Variants in KDM3A observed in about 807,000 individuals in gnomAD.
KDM3A encodes the protein lysine demethylase 3A, also known as lysine-specific demethylase 3A.
Under a neutral mutation model 158.0 loss-of-function variants are expected in KDM3A, and 60 were observed. The observed-to-expected ratio is 0.38, with a 90% CI of 0.31 to 0.47. The LOEUF is 0.47. KDM3A is among the 20% of genes least tolerant of loss of function. KDM3A has a pLI of 0.99. For missense variants in KDM3A, 1,319 were observed against 1,574.3 expected, an observed-to-expected ratio of 0.84 and a Z score of 2.74; for synonymous variants, 608 against 549.3, an observed-to-expected ratio of 1.11 and a Z score of -1.49.
chr2:86,455,780 G>A (rs1205015272), intron 5 of KDM3A, among the ~76,000 whole-genome samples: 3 of 151,088 alleles, frequency 2.0e-5, no homozygotes, highest in Non-Finnish European at 4.4e-5. Flanking sequence ...GGGAGACGTC[G>A]ATCTCTACAA....
intron 3 of KDM3A, 112 bp from the exon 4 acceptor site, chr2:86,450,990 TA>T: frequency 3.9e-5 from 24 of 610,556 alleles, no homozygotes; most frequent in Non-Finnish European, 4.6e-5. Flanking sequence ...TTGCAGTAAA[TA>T]AAAAAAATTA....
At chr2:86,448,063 T>C (rs966330505) in intron 2 of KDM3A, among the ~76,000 whole-genome samples, 2 of 152,216 alleles carry the variant, frequency 1.3e-5, no homozygotes, top group East Asian at 3.9e-4. Context: ...AGAAAACATA[T>C]AACCAGGGAG....
At chr2:86,455,518 A>G (rs1057182477) in intron 5 of KDM3A, among the ~76,000 whole-genome samples, 1 of 152,050 alleles carries the variant, frequency 6.6e-6, no homozygotes, top group Non-Finnish European at 1.5e-5. Context: ...GCCAAGTGTG[A>G]GCCATCACGC....
chr2:86,480,419 G>A, intron 16 of KDM3A, 57 bp downstream of exon 16: 2 of 1,444,150 alleles, frequency 1.4e-6, no homozygotes, highest in Non-Finnish European at 9.5e-7. Flanking sequence ...TTCGTGGAAG[G>A]ACTTGAGAGA....
intron 8 of KDM3A, among the ~76,000 whole-genome samples, chr2:86,461,959 T>C (rs1375785734): frequency 2.0e-5 from 3 of 152,274 alleles, no homozygotes; most frequent in South Asian, 2.1e-4. Flanking sequence ...TTGTAGGCAG[T>C]GGACTGCCGT....
upstream of KDM3A, among the ~76,000 whole-genome samples, chr2:86,437,677 C>T (rs1406208017): frequency 2.0e-5 from 3 of 152,118 alleles, no homozygotes; most frequent in Non-Finnish European, 4.4e-5. Flanking sequence ...TTTTCATCTT[C>T]TTTATACATG....
At chr2:86,468,735 A>G (rs1001671256) in intron 10 of KDM3A, among the ~76,000 whole-genome samples, 2 of 152,154 alleles carry the variant, frequency 1.3e-5, no homozygotes, top group African/African-American at 4.8e-5. Context: ...TCTAGAAAAC[A>G]AAAGCAAACT....
chr2:86,449,700 A>G (rs1292241561), intron 2 of KDM3A, 107 bp from the exon 3 acceptor site: 4 of 1,225,694 alleles, frequency 3.3e-6, no homozygotes, highest in South Asian at 3.2e-5. Context: ...ACATCCAGAT[A>G]AAGGATTCAA....
chr2:86,471,283 ATATATGTATATATGTG>A, intron 11 of KDM3A, among the ~76,000 whole-genome samples: 1 of 136,134 alleles, frequency 7.3e-6, no homozygotes, highest in African/African-American at 3.2e-5. Flanking sequence ...ATATGTGTGT[ATATATGTATATATGTG>A]TGTATGTGTA....
At chr2:86,455,262 C>A in intron 5 of KDM3A, 75 bp downstream of exon 5, 2 of 795,634 alleles carry the variant, frequency 2.5e-6, no homozygotes, top group South Asian at 1.7e-5. Flanking sequence ...GGTTTAGCCT[C>A]TCATTCATTT....
At chr2:86,464,638 A>G (rs2104660556) in intron 9 of KDM3A, among the ~76,000 whole-genome samples, 1 of 152,360 alleles carries the variant, frequency 6.6e-6, no homozygotes, top group South Asian at 2.1e-4. Context: ...GGCAGTAGAG[A>G]GGACTCTAAG....
At chr2:86,465,958 GAAGA>G (rs1440858045) in intron 9 of KDM3A, among the ~76,000 whole-genome samples, 2 of 119,414 alleles carry the variant, frequency 1.7e-5, no homozygotes, top group East Asian at 2.6e-4. Flanking sequence ...AAAAAAAAAA[GAAGA>G]AAGAAAACTT....
Position 86,466,755 on chromosome 2 carries a change from C to T in KDM3A, c.1391C>T (p.Pro464Leu). The T allele has an allele frequency of 1.2e-6, 2 of 1,613,798 alleles. No individual in the cohort carries two copies. The highest frequency in any genetic ancestry group is 1.7e-6 in the Non-Finnish European group (2 of 1,179,830). ...EVKAGVNSDS[P>L]NNCSGKKVEP... ...AAAGCAGGTGTCAATAGTGATAGCC[C>T]TAATAACTGTTCAGGAAAAAAGGTA... is the stretch of plus-strand genomic sequence containing the variant. The change falls in exon 10 of 26, where the codon CCT becomes CTT. Residue 464 changes from proline to leucine, a missense_variant. Around this residue, in one of 4 missense-constraint regions of KDM3A, gnomAD observed 652 missense variants for 627.2 expected, o/e 1.04. Transcript: ENST00000312912.
At chr2:86,445,337 G>A (rs1682911216) in intron 2 of KDM3A, among the ~76,000 whole-genome samples, 1 of 152,194 alleles carries the variant, frequency 6.6e-6, no homozygotes, top group Admixed American at 6.5e-5. Context: ...ATCTTAATTA[G>A]ATGTGGCTAT....
chr2:86,450,133 C>CCTCGT (rs1558605119), intron 3 of KDM3A, among the ~76,000 whole-genome samples, 171 bp downstream of exon 3: 2 of 152,166 alleles, frequency 1.3e-5, no homozygotes, highest in East Asian at 3.9e-4. Flanking sequence ...CTTTGTTGGA[C>CCTCGT]CTCGTGTTCA....
Position 86,482,038 on chromosome 2 carries a change from T to C in KDM3A, c.2621T>C (p.Leu874Ser). The C allele has an allele frequency of 6.2e-7, 1 of 1,614,218 alleles. No homozygotes were observed. Among genetic ancestry groups the C allele is most frequent in the Non-Finnish European group, 8.5e-7 (1 of 1,180,030 alleles). The change falls in exon 17 of 26, where the codon TTG becomes TCG. Residue 874 changes from leucine to serine, a missense_variant. Physicochemically the swap from Leu to Ser is moderately radical, Grantham distance 145. Coordinates refer to ENST00000312912, the MANE Select transcript of KDM3A (RefSeq NM_018433.6). ...CTCCATACGTTTAACAGCACAATTT[T>C]GACACCCGTAAGCAACAACAATTCT... The part of the protein sequence containing the change: ...TVLHTFNSTI[L>S]TPVSNNNSGF...
chr2:86,447,183 A>G (rs1682989294), intron 2 of KDM3A, among the ~76,000 whole-genome samples: 1 of 152,188 alleles, frequency 6.6e-6, no homozygotes, highest in Non-Finnish European at 1.5e-5. Context: ...GTTTTCTTAT[A>G]TATTTTTTAA....
At chr2:86,458,362 G>C (rs1178307246) in intron 8 of KDM3A, among the ~76,000 whole-genome samples, 1 of 152,210 alleles carries the variant, frequency 6.6e-6, no homozygotes, top group Non-Finnish European at 1.5e-5. Flanking sequence ...TATAGGCTTT[G>C]ACCTCTTGAG....
chr2:86,439,571 T>G (rs1040128170), upstream of KDM3A, among the ~76,000 whole-genome samples: 4 of 152,044 alleles, frequency 2.6e-5, no homozygotes, highest in East Asian at 7.7e-4. Context: ...ATTTTTCCCT[T>G]GAGTTGTTTT....
Sources: gnomAD v4.1 joint callset for allele counts (sites outside exome capture counted in the v4.1 genomes callset) on GRCh38, gnomAD v4.1.1 for gene constraint, gnomAD v4.1.1 regional missense constraint, MANE v1.5 for transcripts, NCBI Gene and HGNC (gene_info 2026-07-23, HGNC 2026-07-21) for gene names.